The following ST6GALNAC3 variants were observed in gnomAD, a reference collection of about 807,000 sequenced individuals.
The protein encoded by ST6GALNAC3 is ST6 N-acetylgalactosaminide alpha-2,6-sialyltransferase 3.
Under a neutral mutation model 32.7 loss-of-function variants are expected in ST6GALNAC3, and 25 were observed. That is an observed-to-expected ratio of 0.76 (90% CI 0.56 to 1.07). The LOEUF is 1.07. Ranked by LOEUF, ST6GALNAC3 falls within the 50% of genes least tolerant of loss-of-function variation. The pLI is 0.00. For synonymous variants in ST6GALNAC3, 129 were observed against 133.1 expected (o/e 0.97, Z 0.21); for missense variants, 355 against 382.4 (o/e 0.93, Z 0.60).
At chr1:76,386,602 G>A (rs2101133178) in intron 2 of ST6GALNAC3, among the ~76,000 whole-genome samples, 3 of 152,204 alleles carry the variant, frequency 2.0e-5, no homozygotes, top group Non-Finnish European at 4.4e-5. Context: ...TTATCTACAG[G>A]TGGCATTTGA....
At chr1:76,326,392 A>G (rs765405019) in intron 2 of ST6GALNAC3, among the ~76,000 whole-genome samples, 4 of 152,188 alleles carry the variant, frequency 2.6e-5, no homozygotes, top group African/African-American at 7.2e-5. Flanking sequence ...TCCAACATCA[A>G]TGGAGTGGGA....
chr1:76,395,119 A>G (rs971341034), intron 2 of ST6GALNAC3, among the ~76,000 whole-genome samples: 3 of 152,176 alleles, frequency 2.0e-5, no homozygotes, highest in Non-Finnish European at 4.4e-5. Flanking sequence ...AAAATTATCC[A>G]TGCAGGTCAT....
chr1:76,470,265 C>T (rs1028990868), intron 3 of ST6GALNAC3, among the ~76,000 whole-genome samples: 2 of 151,954 alleles, frequency 1.3e-5, no homozygotes, highest in Non-Finnish European at 2.9e-5. Context: ...CTGTAACTGA[C>T]TTGATAGAAA....
At chr1:76,579,609 C>T (rs1046139343) in intron 3 of ST6GALNAC3, among the ~76,000 whole-genome samples, 6 of 151,902 alleles carry the variant, frequency 3.9e-5, no homozygotes, top group Non-Finnish European at 8.8e-5. Context: ...TATGGGTACT[C>T]CTCTCCTTTT....
intron 1 of ST6GALNAC3, among the ~76,000 whole-genome samples, chr1:76,295,324 G>A (rs779138296): frequency 1.3e-5 from 2 of 152,080 alleles, no homozygotes; most frequent in African/African-American, 2.4e-5. Flanking sequence ...CTCTCAGAAT[G>A]TCTACCAAGT....
intron 3 of ST6GALNAC3, among the ~76,000 whole-genome samples, chr1:76,562,299 A>G (rs1224893623): frequency 6.6e-6 from 1 of 152,226 alleles, no homozygotes; most frequent in African/African-American, 2.4e-5. Flanking sequence ...GAGGATCACT[A>G]AGTGTCACAG....
At chr1:76,131,918 G>T (rs569784152) in intron 1 of ST6GALNAC3, among the ~76,000 whole-genome samples, 2 of 152,218 alleles carry the variant, frequency 1.3e-5, no homozygotes, top group East Asian at 3.9e-4. Flanking sequence ...ATTACCCATA[G>T]CACATGATGC....
chr1:76,555,534 A>G (rs1664866485), intron 3 of ST6GALNAC3, among the ~76,000 whole-genome samples: 1 of 152,150 alleles, frequency 6.6e-6, no homozygotes, highest in Non-Finnish European at 1.5e-5. Flanking sequence ...CTGGTCATTA[A>G]TGTTCTCCTA....
rs368062104 is a variant in ST6GALNAC3 at position 76,278,054 on chromosome 1, C to A, written c.19-35751C>A. ...GATTTTTAATATTTTTATGAAATTT[C>A]ATTAAATTTATAGTTTTGGGGAAGA... is the stretch of plus-strand genomic sequence containing the variant. On this transcript the variant is annotated intron_variant, in intron 1 of 4. Coordinates refer to ENST00000328299, the MANE Select transcript of ST6GALNAC3 (RefSeq NM_152996.4). 2.6e-4 allele frequency among the ~76,000 whole-genome samples: 39 copies of A among 152,096 alleles called. No homozygotes were observed. The East Asian group carries it at 4.1e-3, about 16-fold the overall frequency.
chr1:76,403,645 T>A (rs909792425), intron 2 of ST6GALNAC3, among the ~76,000 whole-genome samples: 1 of 152,116 alleles, frequency 6.6e-6, no homozygotes, highest in African/African-American at 2.4e-5. Flanking sequence ...GTCATTGTAA[T>A]GTATAGCCAG....
chr1:76,103,876 C>T (rs1294763439), intron 1 of ST6GALNAC3, among the ~76,000 whole-genome samples: 1 of 152,168 alleles, frequency 6.6e-6, no homozygotes, highest in Non-Finnish European at 1.5e-5. Context: ...GGTAAGTCCT[C>T]CTCTCAGCAC....
At chr1:76,583,695 C>T (rs945087449) in intron 3 of ST6GALNAC3, among the ~76,000 whole-genome samples, 1 of 152,112 alleles carries the variant, frequency 6.6e-6, no homozygotes, top group African/African-American at 2.4e-5. Flanking sequence ...GTGCTTAGGA[C>T]GCTGTGTGAT....
chr1:76,299,526 G>A (rs1160027458), intron 1 of ST6GALNAC3, among the ~76,000 whole-genome samples: 1 of 152,006 alleles, frequency 6.6e-6, no homozygotes, highest in Non-Finnish European at 1.5e-5. Flanking sequence ...TTCAGTCACT[G>A]GGGCCTAATT....
At chr1:76,304,597 A>T (rs1444575677) in intron 1 of ST6GALNAC3, among the ~76,000 whole-genome samples, 2 of 152,052 alleles carry the variant, frequency 1.3e-5, no homozygotes, top group African/African-American at 4.8e-5. Flanking sequence ...AGCTTGAAAC[A>T]TGGAGGACAG....
At chr1:76,448,698 T>G (rs779699492) in intron 3 of ST6GALNAC3, among the ~76,000 whole-genome samples, 1 of 152,212 alleles carries the variant, frequency 6.6e-6, no homozygotes, top group Non-Finnish European at 1.5e-5. Flanking sequence ...GGAGTTGCCC[T>G]GCAGAAGCTC....
chr1:76,508,150 A>G (rs1421536863), intron 3 of ST6GALNAC3, among the ~76,000 whole-genome samples: 1 of 152,184 alleles, frequency 6.6e-6, no homozygotes, highest in Non-Finnish European at 1.5e-5. Context: ...TTCATGGAAG[A>G]AAAATTTTCC....
At chr1:76,512,988 G>GT (rs1037384830) in intron 3 of ST6GALNAC3, among the ~76,000 whole-genome samples, 5 of 151,002 alleles carry the variant, frequency 3.3e-5, no homozygotes, top group South Asian at 2.1e-4. Flanking sequence ...GGTATATTGG[G>GT]TTTTTTTTCT....
intron 1 of ST6GALNAC3, among the ~76,000 whole-genome samples, chr1:76,167,192 A>T (rs868580384): frequency 5.3e-5 from 8 of 152,184 alleles, no homozygotes; most frequent in Non-Finnish European, 1.5e-5. Context: ...TAGTTTATCG[A>T]GAGTTTTTAA....
At chr1:76,530,311 A>G (rs554647712) in intron 3 of ST6GALNAC3, among the ~76,000 whole-genome samples, 2 of 152,308 alleles carry the variant, frequency 1.3e-5, no homozygotes, top group East Asian at 3.9e-4. Context: ...ACCTAAGGCA[A>G]ACATGTAAAC....
Sources: allele counts gnomAD v4.1 joint callset (sites outside exome capture counted in the v4.1 genomes callset), GRCh38; gene constraint gnomAD v4.1.1; transcripts MANE v1.5; gene names NCBI Gene and HGNC (gene_info 2026-07-23, HGNC 2026-07-21).